HELLS: variants seen among roughly 807,000 people sequenced by gnomAD.
HELLS encodes helicase, lymphoid specific.
Under a neutral mutation model 120.0 loss-of-function variants are expected in HELLS, and 32 were observed. That is an observed-to-expected ratio of 0.27 (90% CI 0.20 to 0.36). HELLS has a LOEUF of 0.36. Ranked by LOEUF, HELLS falls within the 10% of genes least tolerant of loss-of-function variation. The pLI, the probability that HELLS is intolerant of heterozygous loss-of-function variation, is 1.00. For synonymous variants in HELLS, 341 were observed against 323.4 expected (o/e 1.05, Z -0.58); for missense variants, 650 against 993.4 (o/e 0.65, Z 4.65).
chr10:94,557,276 G>T, intron 3 of HELLS: 1 of 298,056 alleles, frequency 3.4e-6, no homozygotes, highest in Non-Finnish European at 7.0e-6. Context: ...TTTAAATTTT[G>T]CTGTATTTGT....
At chr10:94,574,968 G>C (rs929679177) in intron 9 of HELLS, among the ~76,000 whole-genome samples, 3 of 151,986 alleles carry the variant, frequency 2.0e-5, no homozygotes, top group African/African-American at 7.2e-5. Flanking sequence ...TCAGTGCATT[G>C]GTAATTTGAT....
chr10:94,563,681 A>G (rs552574420), intron 6 of HELLS, among the ~76,000 whole-genome samples: 2 of 151,648 alleles, frequency 1.3e-5, no homozygotes, highest in Non-Finnish European at 1.5e-5. Flanking sequence ...TGTAGCAATG[A>G]GATGTCATAT....
intron 21 of HELLS, among the ~76,000 whole-genome samples, chr10:94,601,051 G>C (rs1351993484): frequency 1.3e-5 from 2 of 152,138 alleles, no homozygotes; most frequent in Non-Finnish European, 2.9e-5. Context: ...ATGAAAATCA[G>C]ATTTCATTTC....
In HELLS at chr10:94,596,764, G is replaced by A. The variant is rs957986852; in HGVS notation, c.2249-96G>A. 8 of 633,030 alleles carry A rather than the reference G, an allele frequency of 1.3e-5. No individual in the cohort carries two copies. In the Admixed American group the frequency reaches 1.6e-4, roughly 13 times the overall value. The allele number at this position is 633,030 out of a possible 1,614,324, so 39.2% of individuals were successfully genotyped here. A position where few individuals can be genotyped will look rare whatever the true frequency, so the allele number is the denominator to read the frequency against. On this transcript the variant is annotated intron_variant, in intron 19 of 21. Coordinates refer to ENST00000348459, the MANE Select transcript of HELLS (RefSeq NM_018063.5). ...TTTTTTATCAACACTTTTTTTTGCCGTCCTTCTTAATGCAAGCCATTGTGA... is the reference window on the plus strand; with the variant it reads ...TTTTTTATCAACACTTTTTTTTGCCATCCTTCTTAATGCAAGCCATTGTGA...
intron 7 of HELLS, among the ~76,000 whole-genome samples, chr10:94,573,748 C>T (rs982540493): frequency 6.6e-6 from 1 of 151,880 alleles, no homozygotes; most frequent in African/African-American, 2.4e-5. Flanking sequence ...GTAGGATTAG[C>T]CACTGTGGCA....
intron 9 of HELLS, among the ~76,000 whole-genome samples, chr10:94,575,529 CTG>C (rs1419787198): frequency 6.6e-6 from 1 of 151,814 alleles, no homozygotes; most frequent in Non-Finnish European, 1.5e-5. Context: ...GAGTCTGTCT[CTG>C]TCACCATGCT....
intron 21 of HELLS, 34 bp from the exon 22 acceptor site, chr10:94,601,494 C>A (rs750910708): frequency 3.7e-6 from 4 of 1,093,164 alleles, no homozygotes; most frequent in African/African-American, 1.6e-5. Context: ...TCTTATACTT[C>A]TAAAATGTAC....
In HELLS at chr10:94,590,695, TATA is replaced by T; in HGVS notation, c.1689_1691del (p.Ile563del). On this transcript the variant is annotated inframe_deletion, in exon 15 of 22. Transcript: ENST00000348459. ...CTGAAGTTAATCTGAAGCTGCAGAA[TATA>T]ATGATGCTACTTCGTAAATGTTGTA... 3 of 1,609,166 alleles carry T rather than the reference TATA, an allele frequency of 1.9e-6. No individual in the cohort carries two copies. The highest frequency in any genetic ancestry group is 2.6e-6 in the Non-Finnish European group (3 of 1,176,138).
At chr10:94,589,092 G>A (rs937800861) in intron 13 of HELLS, among the ~76,000 whole-genome samples, 5 of 152,144 alleles carry the variant, frequency 3.3e-5, no homozygotes, top group African/African-American at 9.7e-5. Context: ...AGGTTGTGGT[G>A]AGCCAAGATT....
intron 9 of HELLS, among the ~76,000 whole-genome samples, chr10:94,575,052 C>T (rs1844362753): frequency 6.7e-6 from 1 of 150,008 alleles, no homozygotes. Flanking sequence ...TGCCAAAAGG[C>T]TAAGAAGAGA....
intron 2 of HELLS, among the ~76,000 whole-genome samples, chr10:94,550,434 A>G (rs1267889638): frequency 6.6e-6 from 1 of 151,860 alleles, no homozygotes; most frequent in African/African-American, 2.4e-5. Flanking sequence ...GCGTGCCACC[A>G]CGCCCAGCTA....
In HELLS at chr10:94,596,448, A is replaced by G. The variant is rs149956771; in HGVS notation, c.2249-412A>G. ...TCTGTTTAGCTATTTTGTTGAATAT[A>G]TTTTTTCAACACAGAGTCATCTGTG... On this transcript the variant is annotated intron_variant, in intron 19 of 21. Transcript: ENST00000348459. 3.0e-3 allele frequency among the ~76,000 whole-genome samples: 456 copies of G among 151,972 alleles called. 2 individuals carry two copies. Among genetic ancestry groups the G allele is most frequent in the East Asian group, 0.019 (97 of 5,164 alleles).
downstream of HELLS, among the ~76,000 whole-genome samples, chr10:94,603,022 C>T (rs554640248): frequency 3.3e-5 from 5 of 152,246 alleles, no homozygotes; most frequent in East Asian, 3.9e-4. Context: ...AGAAAATAGA[C>T]GCAGTCAGAA....
intron 13 of HELLS, among the ~76,000 whole-genome samples, chr10:94,589,533 A>G (rs996656612): frequency 2.0e-5 from 3 of 151,720 alleles, no homozygotes; most frequent in East Asian, 1.9e-4. Flanking sequence ...GTGGGATGTT[A>G]TTATCATGTA....
At chr10:94,568,413 T>C (rs1375038629) in intron 6 of HELLS, among the ~76,000 whole-genome samples, 1 of 152,156 alleles carries the variant, frequency 6.6e-6, no homozygotes, top group African/African-American at 2.4e-5. Flanking sequence ...CAGTATCTAC[T>C]GTGTCATCTA....
intron 12 of HELLS, chr10:94,583,923 A>G (rs1413628116): frequency 7.1e-6 from 3 of 424,490 alleles, no homozygotes; most frequent in African/African-American, 4.1e-5. Flanking sequence ...TTTCAACAAT[A>G]TAAACAAGGT....
At chr10:94,580,697 C>T (rs562851846) in intron 10 of HELLS, among the ~76,000 whole-genome samples, 1 of 152,104 alleles carries the variant, frequency 6.6e-6, no homozygotes, top group Admixed American at 6.5e-5. Context: ...TTGTCAGTCC[C>T]ATTTTTTAAG....
chr10:94,609,190 G>A (rs551811490), intron 9 of HELLS, among the ~76,000 whole-genome samples: 1 of 151,794 alleles, frequency 6.6e-6, no homozygotes, highest in South Asian at 2.1e-4. Context: ...CGCCCGGCGA[G>A]TTTTGTATTT....
At chr10:94,594,617 A>C in intron 18 of HELLS, 78 bp from the exon 19 acceptor site, 1 of 1,103,380 alleles carries the variant, frequency 9.1e-7, no homozygotes, top group Non-Finnish European at 1.3e-6. Context: ...TAGATCATTC[A>C]TGTTGACTTT....
Sources: allele counts gnomAD v4.1 joint callset (sites outside exome capture counted in the v4.1 genomes callset), GRCh38; gene constraint gnomAD v4.1.1; transcripts MANE v1.5; gene names NCBI Gene and HGNC (gene_info 2026-07-23, HGNC 2026-07-21).